RGS8: variants seen among roughly 807,000 people sequenced by gnomAD.
RGS8 encodes regulator of G-protein signaling 8.
A neutral mutation model predicts 21.7 loss-of-function variants in RGS8; 8 were observed. The observed-to-expected ratio is 0.37, with a 90% confidence interval of 0.22 to 0.66. RGS8 has a LOEUF of 0.66. RGS8 is among the 30% of genes least tolerant of loss of function. The pLI, the probability that RGS8 is intolerant of heterozygous loss-of-function variation, is 0.59. For missense variants in RGS8, 157 were observed against 217.9 expected, an observed-to-expected ratio of 0.72 and a Z score of 1.76; for synonymous variants, 80 against 83.6, an observed-to-expected ratio of 0.96 and a Z score of 0.24.
At chr1:182,742,411 G>C in the RGS8 span, among the ~76,000 whole-genome samples, 40 of 151,126 alleles carry the variant, frequency 2.6e-4, no homozygotes, top group Middle Eastern at 3.4e-3. Flanking sequence ...AGGTTGTAGC[G>C]AGCCGAGATC....
chr1:182,734,950 T>C, the RGS8 span, among the ~76,000 whole-genome samples: 1 of 152,230 alleles, frequency 6.6e-6, no homozygotes, highest in Non-Finnish European at 1.5e-5. Flanking sequence ...TTTTATCATA[T>C]ATTTTAGCAC....
the RGS8 span, among the ~76,000 whole-genome samples, chr1:182,751,306 TTAGA>T: frequency 7.2e-5 from 11 of 152,344 alleles, no homozygotes; most frequent in African/African-American, 2.6e-4. Flanking sequence ...CAATAGCTTA[TTAGA>T]TAGTTTAAAA....
intron 1 of RGS8, among the ~76,000 whole-genome samples, chr1:182,682,452 GT>G (rs1000928182): frequency 3.9e-5 from 6 of 151,950 alleles, no homozygotes; most frequent in East Asian, 1.9e-4. Context: ...ACTTCCTCGA[GT>G]TTTTTTTACC....
chr1:182,727,458 G>A, the RGS8 span, among the ~76,000 whole-genome samples: 2 of 152,082 alleles, frequency 1.3e-5, no homozygotes, highest in African/African-American at 4.8e-5. Context: ...TTTTCTCTTC[G>A]TGACATTTCA....
the RGS8 span, among the ~76,000 whole-genome samples, chr1:182,726,080 G>A: frequency 6.6e-6 from 1 of 151,974 alleles, no homozygotes; most frequent in Non-Finnish European, 1.5e-5. Flanking sequence ...TCTACTCAGT[G>A]GCTTCTCAGC....
chr1:182,715,681 A>T, the RGS8 span, among the ~76,000 whole-genome samples: 1 of 152,196 alleles, frequency 6.6e-6, no homozygotes, highest in Non-Finnish European at 1.5e-5. Flanking sequence ...TTTTTGGAAC[A>T]TCTGACTTAG....
the RGS8 span, among the ~76,000 whole-genome samples, chr1:182,720,976 C>CATATATACACACATATATGTGTGT: frequency 1.2e-4 from 8 of 68,794 alleles, no homozygotes; most frequent in Admixed American, 1.5e-4. Flanking sequence ...TGTATATATA[C>CATATATACACACATATATGTGTGT]ATATATACAC....
At chr1:182,717,870 TA>T in the RGS8 span, among the ~76,000 whole-genome samples, 2 of 152,184 alleles carry the variant, frequency 1.3e-5, no homozygotes, top group Non-Finnish European at 2.9e-5. Flanking sequence ...AAGAAATAAA[TA>T]AATGGATATT....
upstream of RGS8, among the ~76,000 whole-genome samples, chr1:182,676,150 C>T (rs1664346733): frequency 6.6e-6 from 1 of 152,104 alleles, no homozygotes; most frequent in Admixed American, 6.6e-5. Flanking sequence ...TGGAATTCAT[C>T]AAGAGCAAAA....
the RGS8 span, among the ~76,000 whole-genome samples, chr1:182,719,221 C>T: frequency 2.6e-5 from 4 of 152,162 alleles, no homozygotes; most frequent in Non-Finnish European, 5.9e-5. Context: ...GGAGTGTTAA[C>T]GCTCACGCTC....
chr1:182,704,384 G>C, the RGS8 span, among the ~76,000 whole-genome samples: 1 of 152,144 alleles, frequency 6.6e-6, no homozygotes, highest in African/African-American at 2.4e-5. Flanking sequence ...CCATTCTTAG[G>C]CAGGCCCCGT....
chr1:182,676,102 C>T (rs1325821829), upstream of RGS8, among the ~76,000 whole-genome samples: 1 of 152,188 alleles, frequency 6.6e-6, no homozygotes, highest in African/African-American at 2.4e-5. Context: ...GTACATAAGG[C>T]ATTTGCAAAC....
At chr1:182,723,477 A>G in the RGS8 span, among the ~76,000 whole-genome samples, 22 of 152,256 alleles carry the variant, frequency 1.4e-4, no homozygotes, top group African/African-American at 5.1e-4. Flanking sequence ...GGCTTCTCCC[A>G]GAGCAGTGAT....
rs144221768 is a variant in RGS8, at chr1:182,668,799, G to A, written c.26+825C>T. Among the ~76,000 whole-genome samples, 84 of 152,306 alleles carry A rather than the reference G, an allele frequency of 5.5e-4. No homozygotes were observed. The East Asian group carries it at 0.016, about 28-fold the overall frequency. ...ATGTGTCTACTCGCGCTTGCAAATCGCAGGGTGTCTGACAGCACGCCTTGC... is the reference window on the plus strand; with the variant it reads ...ATGTGTCTACTCGCGCTTGCAAATCACAGGGTGTCTGACAGCACGCCTTGC... On this transcript the variant is annotated intron_variant, in intron 3 of 6. Coordinates refer to ENST00000483095, the Ensembl canonical transcript of RGS8.
the RGS8 span, among the ~76,000 whole-genome samples, chr1:182,692,675 CAAAAAAAAA>C: frequency 3.6e-5 from 1 of 28,028 alleles, no homozygotes; most frequent in African/African-American, 1.4e-4. Context: ...CAATCCTAAG[CAAAAAAAAA>C]AAAAAAAAAA....
the RGS8 span, among the ~76,000 whole-genome samples, chr1:182,720,965 GTGTATATATACATATATACACATATATA>G: frequency 1.8e-5 from 1 of 54,526 alleles, no homozygotes; most frequent in African/African-American, 8.3e-5. Flanking sequence ...ATACATATGT[GTGTATATATACATATATACACATATATA>G]TGTGTGTATA....
At chr1:182,713,103 G>A in the RGS8 span, among the ~76,000 whole-genome samples, 18 of 152,312 alleles carry the variant, frequency 1.2e-4, no homozygotes, top group East Asian at 3.3e-3. Flanking sequence ...TAAATCTTGG[G>A]TGGCTCACTC....
At chr1:182,650,185 C>G (rs527621925) in intron 5 of RGS8, among the ~76,000 whole-genome samples, 10 of 152,186 alleles carry the variant, frequency 6.6e-5, no homozygotes, top group Non-Finnish European at 1.3e-4. Flanking sequence ...GCTGGGATTA[C>G]AGGCGTGAGC....
intron 5 of RGS8, among the ~76,000 whole-genome samples, chr1:182,655,950 G>A (rs1423663044): frequency 6.6e-6 from 1 of 152,160 alleles, no homozygotes; most frequent in African/African-American, 2.4e-5. Flanking sequence ...GCATGACCTT[G>A]GAAAAGTGCC....
Sources: allele counts gnomAD v4.1 joint callset (sites outside exome capture counted in the v4.1 genomes callset), GRCh38; gene constraint gnomAD v4.1.1; transcripts MANE v1.5; gene names NCBI Gene and HGNC (gene_info 2026-07-23, HGNC 2026-07-21).